Variants in TTC27 observed in about 807,000 individuals in gnomAD.
TTC27 encodes the protein tetratricopeptide repeat protein 27.
Under a neutral mutation model 115.9 loss-of-function variants are expected in TTC27, and 79 were observed. That is an observed-to-expected ratio of 0.68 (90% CI 0.57 to 0.82). TTC27 has a LOEUF of 0.82. Ranked by LOEUF, TTC27 falls within the 40% of genes least tolerant of loss-of-function variation. TTC27 has a pLI of 0.00. For synonymous variants in TTC27, 401 were observed against 356.0 expected (o/e 1.13, Z -1.42); for missense variants, 1,054 against 993.1 (o/e 1.06, Z -0.82).
At chr2:32,685,214 C>G (rs1326533577) in intron 9 of TTC27, among the ~76,000 whole-genome samples, 1 of 151,600 alleles carries the variant, frequency 6.6e-6, no homozygotes, top group African/African-American at 2.4e-5. Flanking sequence ...GTTTTTAGTA[C>G]AGATGGGGTT....
intron 10 of TTC27, among the ~76,000 whole-genome samples, chr2:32,711,991 GA>G (rs1355849859): frequency 6.6e-6 from 1 of 152,060 alleles, no homozygotes; most frequent in African/African-American, 2.4e-5. Flanking sequence ...ACCCCCTTAG[GA>G]AAAAGTTTAA....
rs1572480793 is a variant in TTC27 at position 32,654,686 on chromosome 2, A to G, written c.640+4453A>G. On this transcript the variant is annotated intron_variant, in intron 5 of 19. Transcript: ENST00000317907. ...GGTGGGAGTATAGGCGCTTGCCACCATACATGGCTAATTTTTTTTTTTTTT... is the reference window on the plus strand; with the variant it reads ...GGTGGGAGTATAGGCGCTTGCCACCGTACATGGCTAATTTTTTTTTTTTTT... 2.7e-5 allele frequency among the ~76,000 whole-genome samples: 4 copies of G among 150,760 alleles called. 1 individual carries two copies. The highest frequency in any genetic ancestry group is 9.7e-5 in the African/African-American group (4 of 41,084).
intron 18 of TTC27, among the ~76,000 whole-genome samples, chr2:32,816,625 AGAGTTGTGATTCACTC>A (rs1275051914): frequency 1.3e-5 from 2 of 152,224 alleles, no homozygotes; most frequent in Non-Finnish European, 2.9e-5. Flanking sequence ...TGCTGGGAGC[AGAGTTGTGATTCACTC>A]TTGCCCATTC....
chr2:32,755,593 C>A (rs1330283108), intron 12 of TTC27, among the ~76,000 whole-genome samples: 1 of 150,312 alleles, frequency 6.7e-6, no homozygotes, highest in Non-Finnish European at 1.5e-5. Flanking sequence ...GAGAGGGAGA[C>A]GGTGGAAAGA....
intron 1 of TTC27, among the ~76,000 whole-genome samples, chr2:32,628,739 CTATTTATTTATTTATTTATTTATT>C (rs35823725): frequency 4.8e-5 from 7 of 145,080 alleles, no homozygotes; most frequent in African/African-American, 1.8e-4. Flanking sequence ...TTTATTTTAT[CTATTTATTTATTTATTTATTTATT>C]TATTTATTTA....
intron 9 of TTC27, among the ~76,000 whole-genome samples, chr2:32,692,893 G>T (rs1666863404): frequency 6.6e-6 from 1 of 151,564 alleles, no homozygotes; most frequent in Admixed American, 6.6e-5. Context: ...GGAGAATCGT[G>T]TGAACCCAGG....
chr2:32,629,384 T>C (rs1297512933), intron 1 of TTC27, among the ~76,000 whole-genome samples: 3 of 152,160 alleles, frequency 2.0e-5, no homozygotes, highest in Admixed American at 1.3e-4. Context: ...CCTCCCAAAG[T>C]GCTGGGATTA....
At chr2:32,644,719 C>T (rs1162140848) in intron 4 of TTC27, among the ~76,000 whole-genome samples, 1 of 151,746 alleles carries the variant, frequency 6.6e-6, no homozygotes, top group African/African-American at 2.4e-5. Context: ...GCACACCATC[C>T]TGCCTGGCTT....
At chr2:32,632,732 G>T (rs1260182939) in intron 2 of TTC27, among the ~76,000 whole-genome samples, 2 of 151,894 alleles carry the variant, frequency 1.3e-5, no homozygotes, top group African/African-American at 4.8e-5. Flanking sequence ...GGGCTGTGGG[G>T]AAAAAAGTGA....
At chr2:32,700,483 T>C (rs1465498130) in intron 9 of TTC27, among the ~76,000 whole-genome samples, 1 of 152,190 alleles carries the variant, frequency 6.6e-6, no homozygotes, top group Non-Finnish European at 1.5e-5. Context: ...TGACCCGTTA[T>C]GGGTAGTGGA....
chr2:32,720,026 G>A (rs1667870711), intron 10 of TTC27, among the ~76,000 whole-genome samples: 1 of 152,142 alleles, frequency 6.6e-6, no homozygotes, highest in East Asian at 1.9e-4. Context: ...CATAATACGT[G>A]AATTATGTTA....
chr2:32,768,463 A>T (rs1669713581), intron 13 of TTC27, among the ~76,000 whole-genome samples: 2 of 152,218 alleles, frequency 1.3e-5, no homozygotes, highest in African/African-American at 4.8e-5. Flanking sequence ...ACTAAGCATT[A>T]TCAAGTACTT....
intron 12 of TTC27, among the ~76,000 whole-genome samples, chr2:32,748,026 C>T (rs1668887269): frequency 6.6e-6 from 1 of 151,286 alleles, no homozygotes; most frequent in South Asian, 2.1e-4. Context: ...TGTTCTTTTT[C>T]TAGTTACTTT....
chr2:32,804,952 C>T (rs1671079612), intron 16 of TTC27, among the ~76,000 whole-genome samples: 1 of 151,902 alleles, frequency 6.6e-6, no homozygotes, highest in South Asian at 2.1e-4. Context: ...CTGGTTGATT[C>T]GAGATTTAGC....
chr2:32,740,238 G>C (rs146668829), intron 12 of TTC27, among the ~76,000 whole-genome samples: 5 of 152,310 alleles, frequency 3.3e-5, no homozygotes, highest in African/African-American at 1.2e-4. Context: ...AGGGGTTAGG[G>C]ATAGATAAGG....
chr2:32,758,243 A>T (rs80259233), intron 12 of TTC27, 49 bp from the exon 13 acceptor site: 1 of 1,516,900 alleles, frequency 6.6e-7, no homozygotes, highest in African/African-American at 1.4e-5. Flanking sequence ...AAAAAAAAAA[A>T]TAGCAGTTAA....
intron 10 of TTC27, among the ~76,000 whole-genome samples, chr2:32,714,585 A>G (rs1479725962): frequency 6.6e-6 from 1 of 152,212 alleles, no homozygotes; most frequent in Non-Finnish European, 1.5e-5. Context: ...AGACTGATTT[A>G]TAATCCTTTG....
intron 12 of TTC27, among the ~76,000 whole-genome samples, chr2:32,746,250 G>A (rs952075656): frequency 2.6e-5 from 4 of 151,864 alleles, no homozygotes; most frequent in Non-Finnish European, 5.9e-5. Context: ...TAGATATAAA[G>A]TTTCTTGCAT....
chr2:32,746,270 A>C (rs1433105984), intron 12 of TTC27, among the ~76,000 whole-genome samples: 1 of 152,126 alleles, frequency 6.6e-6, no homozygotes, highest in African/African-American at 2.4e-5. Context: ...TCCTATAAGA[A>C]TGCACATCTG....
Sources: gnomAD v4.1 joint callset for allele counts (sites outside exome capture counted in the v4.1 genomes callset) on GRCh38, gnomAD v4.1.1 for gene constraint, MANE v1.5 for transcripts, NCBI Gene and HGNC (gene_info 2026-07-23, HGNC 2026-07-21) for gene names.